Variants in TTC39B observed in about 807,000 individuals in gnomAD.
TTC39B encodes tetratricopeptide repeat domain 39B, also known as tetratricopeptide repeat protein 39B.
Under a neutral mutation model 96.6 loss-of-function variants are expected in TTC39B, and 92 were observed. The ratio of observed to expected loss-of-function variants is 0.95; its 90% CI spans 0.80 to 1.13. The LOEUF (loss-of-function observed/expected upper bound fraction) is 1.13, where lower values mean the gene tolerates loss of function less well. TTC39B is among the 50% of genes most tolerant of loss of function. The pLI, the probability that TTC39B is intolerant of heterozygous loss-of-function variation, is 0.00. For missense variants in TTC39B, 955 were observed against 809.3 expected (o/e 1.18, Z -2.18); for synonymous variants, 367 against 299.4 (o/e 1.23, Z -2.33).
chr9:15,298,340 G>A (rs1023575754), intron 1 of TTC39B, among the ~76,000 whole-genome samples: 8 of 152,104 alleles, frequency 5.3e-5, no homozygotes, highest in African/African-American at 9.7e-5. Context: ...GGCTTCTCAC[G>A]CTCCATAATT....
At chr9:15,264,615 A>G (rs932551795) in intron 2 of TTC39B, among the ~76,000 whole-genome samples, 3 of 146,268 alleles carry the variant, frequency 2.1e-5, no homozygotes, top group Non-Finnish European at 1.5e-5. Flanking sequence ...AGATCACACC[A>G]TTGCACTCTA....
chr9:15,165,277 GC>G, exon 20 of TTC39B: 1 of 152,262 alleles, frequency 6.6e-6, no homozygotes, highest in Middle Eastern at 3.4e-3. Flanking sequence ...AACCCAGGAG[GC>G]AGAGGTTGTG....
At chr9:15,206,446 A>C (rs12686751) in intron 6 of TTC39B, among the ~76,000 whole-genome samples, 16,550 of 152,238 alleles carry the variant, frequency 0.11, 1,584 homozygotes, top group East Asian at 0.59. Context: ...TTGACAGCCA[A>C]ACTCACTAAG....
intron 1 of TTC39B, among the ~76,000 whole-genome samples, chr9:15,305,783 C>T (rs992070149): frequency 6.6e-6 from 1 of 151,222 alleles, no homozygotes; most frequent in African/African-American, 2.4e-5. Context: ...CACCTATTAT[C>T]CCAGTGTTAA....
At chr9:15,259,896 C>T (rs1276131550) in intron 2 of TTC39B, among the ~76,000 whole-genome samples, 1 of 151,860 alleles carries the variant, frequency 6.6e-6, no homozygotes, top group Admixed American at 6.6e-5. Flanking sequence ...TTGCCCCAGC[C>T]GAGGGTGACA....
In TTC39B at chr9:15,214,232, A is replaced by G. The variant is rs765321819; in HGVS notation, c.389T>C (p.Val130Ala). Reference sequence around the variant, plus strand: ...TTCTTCGAGGCCACTCTTGAGATCCACCTTGGTTGATGATGAACTAAAGAT... The same window carrying G: ...TTCTTCGAGGCCACTCTTGAGATCCGCCTTGGTTGATGATGAACTAAAGAT... The change falls in exon 4 of 20, where the codon GTG (valine) becomes GCG (alanine). Residue 130 changes from valine to alanine, a missense_variant. Coordinates refer to ENST00000512701, the Ensembl canonical transcript of TTC39B. The G allele has an allele frequency of 1.2e-5, 20 of 1,613,694 alleles. No homozygotes were observed. Among genetic ancestry groups the G allele is most frequent in the Non-Finnish European group, 1.6e-5 (19 of 1,179,838 alleles).
At chr9:15,295,869 G>C (rs536269362) in intron 1 of TTC39B, among the ~76,000 whole-genome samples, 1 of 152,288 alleles carries the variant, frequency 6.6e-6, no homozygotes, top group South Asian at 2.1e-4. Context: ...ATGAGCCCTT[G>C]ATTGATGATT....
chr9:15,171,976 T>C (rs571528304), exon 20 of TTC39B: 6 of 1,444,512 alleles, frequency 4.2e-6, no homozygotes, highest in Non-Finnish European at 5.8e-6. Context: ...CTATAGCAGA[T>C]GCCGATGCTA....
intron 6 of TTC39B, among the ~76,000 whole-genome samples, chr9:15,206,718 A>G (rs1261972911): frequency 6.6e-6 from 1 of 152,098 alleles, no homozygotes; most frequent in Non-Finnish European, 1.5e-5. Flanking sequence ...TGTATTTCAT[A>G]ATAGGCTATA....
Position 15,169,897 on chromosome 9 carries a change from TACTGACTTGCAGC to T in TTC39B, c.*2109_*2121del, listed in dbSNP as rs1057486503. 6.6e-5 allele frequency: 10 copies of T among 152,194 alleles called. No homozygotes were observed. In the East Asian group the frequency reaches 1.2e-3, roughly 18 times the overall value. The allele number at this position is 152,194 out of a possible 1,614,324, so 9.4% of individuals were successfully genotyped here. A position where few individuals can be genotyped will look rare whatever the true frequency, so the allele number is the denominator to read the frequency against. On this transcript the variant is annotated 3_prime_UTR_variant, in exon 20 of 20. Transcript: ENST00000512701. ...ATTTTATCCCCAAAAGAGAATTTGT[TACTGACTTGCAGC>T]ACTGACTTGCAGCTTCTCACAGTAA...
At chr9:15,219,728 G>C (rs1820736380) in intron 3 of TTC39B, among the ~76,000 whole-genome samples, 1 of 152,118 alleles carries the variant, frequency 6.6e-6, no homozygotes, top group Non-Finnish European at 1.5e-5. Flanking sequence ...TTATCTGATT[G>C]GTGAGTTGGA....
chr9:15,180,874 C>G (rs1414762483), intron 17 of TTC39B, among the ~76,000 whole-genome samples: 1 of 152,118 alleles, frequency 6.6e-6, no homozygotes, highest in Non-Finnish European at 1.5e-5. Context: ...AGAAAATAAA[C>G]TAATTATTTC....
chr9:15,227,179 T>C (rs1194393888), intron 2 of TTC39B, among the ~76,000 whole-genome samples: 1 of 151,970 alleles, frequency 6.6e-6, no homozygotes, highest in Non-Finnish European at 1.5e-5. Context: ...TCGTGGCGCA[T>C]GCCTGTAATC....
chr9:15,296,886 G>A (rs751102563), intron 1 of TTC39B, among the ~76,000 whole-genome samples: 1 of 152,214 alleles, frequency 6.6e-6, no homozygotes, highest in Non-Finnish European at 1.5e-5. Context: ...GGGGGATCAT[G>A]CGAGCCAAGA....
At chr9:15,299,089 C>T (rs1192876185) in intron 1 of TTC39B, among the ~76,000 whole-genome samples, 1 of 152,186 alleles carries the variant, frequency 6.6e-6, no homozygotes, top group Non-Finnish European at 1.5e-5. Context: ...GTTCTCAGAA[C>T]ACACATGTCC....
At chr9:15,285,832 G>A (rs928296568) in intron 1 of TTC39B, among the ~76,000 whole-genome samples, 1 of 152,108 alleles carries the variant, frequency 6.6e-6, no homozygotes, top group Non-Finnish European at 1.5e-5. Context: ...TCCAGCCCAG[G>A]GGACAGAACG....
At chr9:15,179,789 C>A (rs1219161268) in intron 17 of TTC39B, among the ~76,000 whole-genome samples, 2 of 152,150 alleles carry the variant, frequency 1.3e-5, no homozygotes, top group Admixed American at 1.3e-4. Context: ...TGTTGAGGAA[C>A]AGACGTAACA....
chr9:15,204,890 CT>C (rs1819756863), intron 6 of TTC39B, among the ~76,000 whole-genome samples: 1 of 152,154 alleles, frequency 6.6e-6, no homozygotes, highest in Non-Finnish European at 1.5e-5. Context: ...AACACACACC[CT>C]AGCTTCCCAA....
intron 18 of TTC39B, among the ~76,000 whole-genome samples, chr9:15,176,056 T>G (rs1817920915): frequency 6.6e-6 from 1 of 152,146 alleles, no homozygotes; most frequent in Non-Finnish European, 1.5e-5. Context: ...GCAATTCAAA[T>G]TTACATTGTC....
Sources: gnomAD v4.1 joint callset for allele counts (sites outside exome capture counted in the v4.1 genomes callset) on GRCh38, gnomAD v4.1.1 for gene constraint, MANE v1.5 for transcripts, NCBI Gene and HGNC (gene_info 2026-07-23, HGNC 2026-07-21) for gene names.